GALNT2: variants seen among roughly 807,000 people sequenced by gnomAD.
GALNT2 encodes polypeptide N-acetylgalactosaminyltransferase 2.
A neutral mutation model predicts 81.4 loss-of-function variants in GALNT2; 31 were observed. That is an observed-to-expected ratio of 0.38 (90% CI 0.29 to 0.51). The LOEUF is 0.51. Ranked by LOEUF, GALNT2 falls within the 20% of genes least tolerant of loss-of-function variation. GALNT2 has a pLI of 0.87. For missense variants in GALNT2, 629 were observed against 765.7 expected (o/e 0.82, Z 2.11); for synonymous variants, 303 against 287.4 (o/e 1.05, Z -0.55).
At chr1:230,262,259 T>A in intron 11 of GALNT2, 1 of 310,426 alleles carries the variant, frequency 3.2e-6, no homozygotes, top group Non-Finnish European at 5.9e-6. Flanking sequence ...TTCTTTAAGA[T>A]ATAGACCCCA....
intron 15 of GALNT2, among the ~76,000 whole-genome samples, chr1:230,277,266 C>A (rs1465440631): frequency 6.6e-6 from 1 of 152,154 alleles, no homozygotes; most frequent in Non-Finnish European, 1.5e-5. Context: ...TCCCCACCCC[C>A]AACCACAATC....
intron 3 of GALNT2, among the ~76,000 whole-genome samples, chr1:230,205,807 A>C: frequency 6.6e-6 from 1 of 152,174 alleles, no homozygotes. Flanking sequence ...CAAGCAGCCC[A>C]TGCCAGGTGC....
chr1:230,073,721 G>T (rs367588519), intron 1 of GALNT2, among the ~76,000 whole-genome samples: 34 of 152,292 alleles, frequency 2.2e-4, no homozygotes, highest in African/African-American at 7.5e-4. Flanking sequence ...TCACTGAGGC[G>T]GGCTGTCACA....
chr1:230,195,817 A>G (rs1572073741), intron 2 of GALNT2, among the ~76,000 whole-genome samples: 1 of 151,784 alleles, frequency 6.6e-6, no homozygotes, highest in East Asian at 1.9e-4. Context: ...TGGCCACACA[A>G]GCCGGAGGTG....
At chr1:230,230,204 T>C (rs1401490298) in intron 3 of GALNT2, among the ~76,000 whole-genome samples, 1 of 152,190 alleles carries the variant, frequency 6.6e-6, no homozygotes, top group Non-Finnish European at 1.5e-5. Context: ...CCCCTCAGCT[T>C]TGCAAACCCA....
chr1:230,265,123 T>C, intron 13 of GALNT2, 118 bp from the exon 14 acceptor site: 1 of 1,352,300 alleles, frequency 7.4e-7, no homozygotes, highest in Non-Finnish European at 1.0e-6. Context: ...CGATGCCTAG[T>C]CACTGGGTCT....
At chr1:230,118,983 A>G (rs1282757371) in intron 1 of GALNT2, among the ~76,000 whole-genome samples, 1 of 152,126 alleles carries the variant, frequency 6.6e-6, no homozygotes, top group Non-Finnish European at 1.5e-5. Context: ...TATTTTACCT[A>G]TAAATATTTT....
chr1:230,174,551 T>C (rs1350023212), intron 1 of GALNT2, among the ~76,000 whole-genome samples: 1 of 152,110 alleles, frequency 6.6e-6, no homozygotes, highest in African/African-American at 2.4e-5. Flanking sequence ...ATCACACCTG[T>C]GTAGGAAGTG....
intron 1 of GALNT2, among the ~76,000 whole-genome samples, chr1:230,163,984 T>TA (rs1366638442): frequency 6.6e-6 from 1 of 152,152 alleles, no homozygotes; most frequent in African/African-American, 2.4e-5. Context: ...TGACACTGGA[T>TA]ACACTGCCTG....
At chr1:230,201,098 TGAG>T (rs1663879483) in intron 2 of GALNT2, among the ~76,000 whole-genome samples, 1 of 152,170 alleles carries the variant, frequency 6.6e-6, no homozygotes, top group South Asian at 2.1e-4. Context: ...GGCAGGAAGA[TGAG>T]GAGAGAGTGG....
chr1:230,087,077 T>C (rs1393335002), intron 1 of GALNT2, among the ~76,000 whole-genome samples: 1 of 152,186 alleles, frequency 6.6e-6, no homozygotes, highest in Non-Finnish European at 1.5e-5. Flanking sequence ...AGGGGTCTTC[T>C]TCCATCCCAG....
intron 1 of GALNT2, among the ~76,000 whole-genome samples, chr1:230,172,312 C>T (rs1662819745): frequency 6.6e-6 from 1 of 152,134 alleles, no homozygotes; most frequent in South Asian, 2.1e-4. Flanking sequence ...GAACTGGGGC[C>T]TCCTGGCCAC....
chr1:230,213,160 T>C (rs1245973078), intron 3 of GALNT2, among the ~76,000 whole-genome samples: 1 of 152,258 alleles, frequency 6.6e-6, no homozygotes, highest in Non-Finnish European at 1.5e-5. Context: ...GTCTTTTCTT[T>C]CTGCCATCAT....
intron 2 of GALNT2, among the ~76,000 whole-genome samples, chr1:230,178,909 C>T (rs1278153682): frequency 1.3e-5 from 2 of 152,120 alleles, no homozygotes; most frequent in East Asian, 1.9e-4. Context: ...AAGAGTCCTC[C>T]GTGCTCTGCC....
At chr1:230,260,657 T>C (rs894520322) in intron 11 of GALNT2, among the ~76,000 whole-genome samples, 1 of 152,196 alleles carries the variant, frequency 6.6e-6, no homozygotes, top group African/African-American at 2.4e-5. Context: ...TGACTAGGCA[T>C]AGGTTAAGGC....
intron 11 of GALNT2, among the ~76,000 whole-genome samples, chr1:230,260,032 C>T (rs547322639): frequency 6.6e-6 from 1 of 152,318 alleles, no homozygotes; most frequent in South Asian, 2.1e-4. Context: ...TAGATGGAGT[C>T]AGTCAGGTCA....
At chr1:230,262,452 A>G (rs1665906419) in intron 11 of GALNT2, 121 bp from the exon 12 acceptor site, 8 of 791,214 alleles carry the variant, frequency 1.0e-5, no homozygotes, top group African/African-American at 1.7e-5. Context: ...CCGTGATCCC[A>G]GCTGGAGCTG....
chr1:230,213,672 T>G (rs1457403155), intron 3 of GALNT2, among the ~76,000 whole-genome samples: 1 of 152,258 alleles, frequency 6.6e-6, no homozygotes, highest in Non-Finnish European at 1.5e-5. Flanking sequence ...TCTCACTGGT[T>G]GTGTTCTCTT....
intron 1 of GALNT2, among the ~76,000 whole-genome samples, chr1:230,059,249 G>C (rs112006602): frequency 5.4e-4 from 82 of 152,324 alleles, no homozygotes; most frequent in African/African-American, 1.8e-3. Context: ...CGCTGAAGCT[G>C]TATTTATGTG....
Sources: gnomAD v4.1 joint callset for allele counts (sites outside exome capture counted in the v4.1 genomes callset) on GRCh38, gnomAD v4.1.1 for gene constraint, MANE v1.5 for transcripts, NCBI Gene and HGNC (gene_info 2026-07-23, HGNC 2026-07-21) for gene names.